The following PPP4R2 variants were observed in gnomAD, a reference collection of about 807,000 sequenced individuals.
The protein encoded by PPP4R2 is serine/threonine-protein phosphatase 4 regulatory subunit 2.
A neutral mutation model predicts 47.2 loss-of-function variants in PPP4R2; 13 were observed. That is an observed-to-expected ratio of 0.28 (90% confidence interval 0.18 to 0.44). PPP4R2 has a LOEUF of 0.44. Among genes scored for constraint, PPP4R2 ranks in the 20% least tolerant of loss-of-function variants. The pLI, the probability that PPP4R2 is intolerant of heterozygous loss-of-function variation, is 1.00. For missense variants in PPP4R2, 421 were observed against 491.2 expected (o/e 0.86, Z 1.35); for synonymous variants, 151 against 163.3 (o/e 0.92, Z 0.57).
chr3:73,043,986 C>T (rs1372024305), intron 2 of PPP4R2, among the ~76,000 whole-genome samples: 3 of 152,168 alleles, frequency 2.0e-5, no homozygotes, highest in Admixed American at 6.5e-5. Context: ...TGGAATCATA[C>T]AATAGTCGTT....
chr3:73,030,208 G>T (rs1702143380), intron 2 of PPP4R2, among the ~76,000 whole-genome samples: 1 of 152,206 alleles, frequency 6.6e-6, no homozygotes, highest in African/African-American at 2.4e-5. Flanking sequence ...AGAAAGGGGA[G>T]AATTGCTCAA....
rs1233717686 is a variant in PPP4R2, at chr3:73,004,881, GTT to G, written c.116+6725_116+6726del. 5.7e-5 allele frequency among the ~76,000 whole-genome samples: 8 copies of G among 139,188 alleles called. 1 individual carries two copies. The East Asian group carries it at 6.1e-4, about 11-fold the overall frequency. The allele number at this position is 139,188 out of a possible 152,430, so 91.3% of individuals were successfully genotyped here. The stretch of plus-strand genomic sequence containing the variant: ...TGTGTGTGTGTGTGTTTGTTTGTTT[GTT>G]TGTGTGTGTGTGTTTTGAGTCGGAG... On this transcript the variant is annotated intron_variant, in intron 2 of 8. Transcript: ENST00000356692.
At chr3:73,028,950 TTTG>T (rs1470300971) in intron 2 of PPP4R2, among the ~76,000 whole-genome samples, 3 of 152,116 alleles carry the variant, frequency 2.0e-5, no homozygotes, top group African/African-American at 7.2e-5. Flanking sequence ...GTCGCAGTTT[TTTG>T]TTGTTGTTTT....
chr3:73,001,604 G>A (rs9856066), intron 2 of PPP4R2, among the ~76,000 whole-genome samples: 80,188 of 151,888 alleles, frequency 0.53, 21,545 homozygotes, highest in African/African-American at 0.62. Context: ...GCACACTTAT[G>A]TAATTTACCA....
chr3:73,062,426 T>G (rs972984775), intron 5 of PPP4R2: 1 of 1,611,526 alleles, frequency 6.2e-7, no homozygotes, highest in Admixed American at 1.7e-5. Context: ...ACCCAGCACA[T>G]AAATCTCATT....
At chr3:73,027,942 G>C (rs1488752707) in intron 2 of PPP4R2, 1 of 139,008 alleles carries the variant, frequency 7.2e-6, no homozygotes, top group Non-Finnish European at 1.5e-5. Flanking sequence ...ATAGGTAGTT[G>C]GATTTTTTTT....
chr3:72,999,148 C>T (rs1197770700), intron 2 of PPP4R2, among the ~76,000 whole-genome samples: 1 of 152,154 alleles, frequency 6.6e-6, no homozygotes, highest in African/African-American at 2.4e-5. Flanking sequence ...CAAGCTGAGT[C>T]TCCTTAGTAT....
chr3:73,004,870 T>TG (rs1491286205), intron 2 of PPP4R2, among the ~76,000 whole-genome samples: 1,099 of 30,260 alleles, frequency 0.036, 12 homozygotes, highest in African/African-American at 0.17. Flanking sequence ...TGTGTGTGTG[T>TG]TTGTTTGTTT....
intron 2 of PPP4R2, among the ~76,000 whole-genome samples, chr3:73,019,829 C>G (rs1701923512): frequency 6.6e-6 from 1 of 152,134 alleles, no homozygotes; most frequent in African/African-American, 2.4e-5. Context: ...GTCTATTTGT[C>G]CACTTGGCTC....
chr3:73,019,798 A>G (rs1384369412), intron 2 of PPP4R2, among the ~76,000 whole-genome samples: 1 of 152,064 alleles, frequency 6.6e-6, no homozygotes, highest in Non-Finnish European at 1.5e-5. Flanking sequence ...TTCTCTCCCA[A>G]TTTCCATATG....
At chr3:73,008,468 T>G (rs912568272) in intron 2 of PPP4R2, among the ~76,000 whole-genome samples, 7 of 152,208 alleles carry the variant, frequency 4.6e-5, no homozygotes, top group African/African-American at 1.7e-4. Flanking sequence ...AAGCTCATGT[T>G]TTCCATGGTC....
At chr3:73,031,457 CACT>C (rs1702162536) in intron 2 of PPP4R2, among the ~76,000 whole-genome samples, 1 of 152,030 alleles carries the variant, frequency 6.6e-6, no homozygotes, top group Non-Finnish European at 1.5e-5. Flanking sequence ...GCAGGAGAAC[CACT>C]TGAACCAGGA....
At chr3:73,044,963 A>G (rs894830490) in intron 2 of PPP4R2, among the ~76,000 whole-genome samples, 4 of 152,118 alleles carry the variant, frequency 2.6e-5, no homozygotes, top group African/African-American at 9.7e-5. Context: ...ATGTAATTCA[A>G]TTTATCAATT....
At chr3:73,005,927 A>G (rs1170609333) in intron 2 of PPP4R2, among the ~76,000 whole-genome samples, 1 of 151,816 alleles carries the variant, frequency 6.6e-6, no homozygotes, top group African/African-American at 2.4e-5. Context: ...TCATATCTAC[A>G]CTCAGGAAAC....
intron 8 of PPP4R2, 65 bp downstream of exon 8, chr3:73,065,206 T>C: frequency 6.8e-7 from 1 of 1,471,342 alleles, no homozygotes; most frequent in Non-Finnish European, 9.0e-7. Flanking sequence ...ACTTCATTTT[T>C]TTCGTGAAAG....
chr3:73,051,192 G>A (rs1236243515), intron 3 of PPP4R2, among the ~76,000 whole-genome samples: 1 of 152,200 alleles, frequency 6.6e-6, no homozygotes, highest in Non-Finnish European at 1.5e-5. Context: ...TGGGATTACA[G>A]GCATGAGCCA....
At chr3:73,042,357 ATTTC>A (rs1296500528) in intron 2 of PPP4R2, among the ~76,000 whole-genome samples, 2 of 126,716 alleles carry the variant, frequency 1.6e-5, no homozygotes, top group African/African-American at 6.2e-5. Context: ...CCTGAATATA[ATTTC>A]TTTTTTTTTT....
In PPP4R2 at chr3:73,064,859, T is replaced by G; in HGVS notation, c.646T>G (p.Ser216Ala). 1 of 1,602,810 alleles carries G rather than the reference T, an allele frequency of 6.2e-7. No homozygotes were observed. The highest frequency in any genetic ancestry group is 8.5e-7 in the Non-Finnish European group (1 of 1,176,056). ...QNEEKNHSDSSTSESEVSSVS... is the reference protein window; with the variant it reads ...QNEEKNHSDSATSESEVSSVS... Reference sequence around the variant, plus strand: ...TTAAAAAAACATTTACAGTGACTCTTCGACCTCTGAATCAGAAGTTTCCTC... The same window carrying G: ...TTAAAAAAACATTTACAGTGACTCTGCGACCTCTGAATCAGAAGTTTCCTC... Residue 216 changes from serine (S) to alanine (A), a missense_variant, in exon 8 of 9, where the codon TCG (serine) becomes GCG (alanine). By Grantham distance (99) the Ser-to-Ala change is moderately conservative (BLOSUM62 1). Transcript: ENST00000356692.
At chr3:72,997,409 A>C (rs746900402) in intron 1 of PPP4R2, 1 of 203,954 alleles carries the variant, frequency 4.9e-6, no homozygotes, top group Non-Finnish European at 9.7e-6. Flanking sequence ...CCACCAGGCT[A>C]CCCGTACGCT....
Sources: gnomAD v4.1 joint callset for allele counts (sites outside exome capture counted in the v4.1 genomes callset) on GRCh38, gnomAD v4.1.1 for gene constraint, MANE v1.5 for transcripts, NCBI Gene and HGNC (gene_info 2026-07-23, HGNC 2026-07-21) for gene names.